MRPS25: variants seen among roughly 807,000 people sequenced by gnomAD.
MRPS25 encodes mitochondrial ribosomal protein S25.
A neutral mutation model predicts 17.3 loss-of-function variants in MRPS25; 15 were observed. That is an observed-to-expected ratio of 0.87 (90% confidence interval 0.58 to 1.34). The LOEUF (loss-of-function observed/expected upper bound fraction) is 1.34, where lower values mean the gene tolerates loss of function less well. Among genes scored for constraint, MRPS25 ranks in the 40% most tolerant of loss-of-function variants. The pLI, the probability that MRPS25 is intolerant of heterozygous loss-of-function variation, is 0.00. For missense variants in MRPS25, 225 were observed against 218.6 expected, an observed-to-expected ratio of 1.03 and a Z score of -0.19; for synonymous variants, 94 against 83.3, an observed-to-expected ratio of 1.13 and a Z score of -0.70.
In MRPS25 at chr3:15,065,079, T is replaced by G. The variant is rs1417912885; in HGVS notation, c.116A>C (p.Glu39Ala). 15 of 1,600,710 alleles carry G rather than the reference T, an allele frequency of 9.4e-6. No individual in the cohort carries two copies. Among genetic ancestry groups the G allele is most frequent in the Non-Finnish European group, 1.3e-5 (15 of 1,174,764 alleles). ...VMTVNYNTHG[E>A]LGEGARKFVF... ...GACTGACCTGGCGCCCTCGCCCAGC[T>G]CCCCATGCGTGTTGTAATTCACTGT... Residue 39 changes from glutamate (E) to alanine (A), a missense_variant, in exon 1 of 4, where the codon GAG (glutamate) becomes GCG (alanine). By Grantham distance (107) the Glu-to-Ala change is moderately radical (BLOSUM62 -1). Coordinates refer to ENST00000253686, the MANE Select transcript of MRPS25 (RefSeq NM_022497.5).
At chr3:15,047,664 C>G (rs1013195358), downstream of MRPS25, 1 of 152,204 alleles carries the variant, frequency 6.6e-6, no homozygotes, top group African/African-American at 2.4e-5. Flanking sequence ...TGTCCTATGA[C>G]TGAATAAATA....
Position 15,050,096 on chromosome 3 carries a change from CA to C in MRPS25, c.*2344del, listed in dbSNP as rs2042581244. The stretch of plus-strand genomic sequence containing the variant: ...AAACCCATCTTTCATCACTACTAAA[CA>C]AAATAGGGAAAGACAAAGGTTTAAA... On this transcript the variant is annotated 3_prime_UTR_variant, in exon 4 of 4. Coordinates refer to ENST00000253686, the MANE Select transcript of MRPS25 (RefSeq NM_022497.5). 1 of 1,404,170 alleles carries C rather than the reference CA, an allele frequency of 7.1e-7. No homozygotes were observed. The highest frequency in any genetic ancestry group is 9.2e-7 in the Non-Finnish European group (1 of 1,092,776). The allele number at this position is 1,404,170 out of a possible 1,614,324, so 87.0% of individuals were successfully genotyped here.
In MRPS25 at chr3:15,051,887, A is replaced by AT. The variant is rs2042610970; in HGVS notation, c.*553_*554insA. The AT allele has an allele frequency of 1.0e-6, 1 of 985,546 alleles. No individual in the cohort carries two copies. The highest frequency in any genetic ancestry group is 1.2e-6 in the Non-Finnish European group (1 of 830,008). 61.1% of individuals were successfully genotyped at this position (985,546 alleles called of 1,614,324 possible). On this transcript the variant is annotated 3_prime_UTR_variant, in exon 4 of 4. Transcript: ENST00000253686. The stretch of plus-strand genomic sequence containing the variant: ...TCTCTGGCCCATGGCTAGGCCCCCC[A>AT]GCAGGCAAGGGTAATCAACTGTACT...
chr3:15,061,359 G>T (rs947571652), intron 1 of MRPS25, among the ~76,000 whole-genome samples: 2 of 151,984 alleles, frequency 1.3e-5, no homozygotes, highest in African/African-American at 4.8e-5. Context: ...GCGATTGCAG[G>T]CGCGCGCTGC....
chr3:15,064,475 A>C (rs547270624), intron 1 of MRPS25, among the ~76,000 whole-genome samples: 93 of 151,950 alleles, frequency 6.1e-4, no homozygotes, highest in Non-Finnish European at 1.3e-3. Flanking sequence ...AAGCGGCCAC[A>C]CTGCCCGGCT....
chr3:15,042,251 G>A (rs996210445), downstream of MRPS25, among the ~76,000 whole-genome samples: 1 of 152,132 alleles, frequency 6.6e-6, no homozygotes, highest in Non-Finnish European at 1.5e-5. Flanking sequence ...CAAAATGAAA[G>A]CTATTTTACT....
chr3:15,059,262 C>T, intron 2 of MRPS25, 107 bp downstream of exon 2: 1 of 791,752 alleles, frequency 1.3e-6, no homozygotes, highest in Non-Finnish European at 2.2e-6. Context: ...CACAGACACA[C>T]CATGACAGCG....
At position 15,050,671 on chromosome 3, in the gene MRPS25, CAG is replaced by C. The variant is rs1189653501; in HGVS notation, c.*1768_*1769del. The C allele has an allele frequency of 7.1e-6, 7 of 985,304 alleles. No homozygotes were observed. The highest frequency in any genetic ancestry group is 6.2e-5 in the Admixed American group (1 of 16,254). The allele number at this position is 985,304 out of a possible 1,614,324, so 61.0% of individuals were successfully genotyped here. On this transcript the variant is annotated 3_prime_UTR_variant, in exon 4 of 4. Transcript: ENST00000253686. ...TTCCACCCAGCCAAAATGCTGATAG[CAG>C]AGAGACAAGATGCTAGATTTCAATT...
At chr3:15,047,090 G>A (rs1353943762), downstream of MRPS25, 1 of 152,638 alleles carries the variant, frequency 6.6e-6, no homozygotes, top group African/African-American at 2.4e-5. Context: ...TATGTACAGT[G>A]TATATAGTGT....
Position 15,051,813 on chromosome 3 carries a change from A to G in MRPS25, c.*628T>C, listed in dbSNP as rs2125131576. On this transcript the variant is annotated 3_prime_UTR_variant, in exon 4 of 4. Transcript: ENST00000253686. ...GGTTGGCAGTGGCTGACTGGTCAGC[A>G]GGTACGTGCCTGAGTGAGGCTGGCC... 1 of 985,516 alleles carries G rather than the reference A, an allele frequency of 1.0e-6. No homozygotes were observed. 61.0% of individuals were successfully genotyped at this position (985,516 alleles called of 1,614,324 possible). A position where few individuals can be genotyped will look rare whatever the true frequency, so the allele number is the denominator to read the frequency against.
At chr3:15,058,421 C>A (rs1279431612) in intron 2 of MRPS25, among the ~76,000 whole-genome samples, 1 of 152,092 alleles carries the variant, frequency 6.6e-6, no homozygotes, top group African/African-American at 2.4e-5. Flanking sequence ...GATCTCCTGA[C>A]CTCGTGATCC....
chr3:15,055,133 A>G (rs1188134794), intron 2 of MRPS25, among the ~76,000 whole-genome samples: 1 of 152,196 alleles, frequency 6.6e-6, no homozygotes, highest in Non-Finnish European at 1.5e-5. Flanking sequence ...GCCAGATCGC[A>G]AGAGAACTCA....
downstream of MRPS25, chr3:15,043,150 C>T: frequency 3.1e-6 from 2 of 638,154 alleles, no homozygotes; most frequent in East Asian, 6.5e-5. Flanking sequence ...CTGTTAATCC[C>T]AGACAATAGC....
Position 15,052,604 on chromosome 3 carries a change from T to G in MRPS25, c.359A>C (p.Lys120Thr). Reference protein sequence around the residue: ...EETLREEEEEKKQLSHPANFG... With the variant: ...EETLREEEEETKQLSHPANFG... The stretch of plus-strand genomic sequence containing the variant: ...GTTGGCTGGGTGAGAAAGCTGCTTT[T>G]TCTCCTCCTCCTCTTCCCTGAGGGT... Residue 120 changes from lysine (K) to threonine (T), a missense_variant, in exon 4 of 4, where the codon AAA becomes ACA. Physicochemically the swap from Lys to Thr is moderately conservative, Grantham distance 78. Coordinates refer to ENST00000253686, the MANE Select transcript of MRPS25 (RefSeq NM_022497.5). The G allele has an allele frequency of 3.1e-6, 5 of 1,614,128 alleles. No homozygotes were observed. The highest frequency in any genetic ancestry group is 4.2e-6 in the Non-Finnish European group (5 of 1,180,018).
chr3:15,042,912 T>G, downstream of MRPS25: 2 of 1,614,214 alleles, frequency 1.2e-6, no homozygotes, highest in Non-Finnish European at 1.7e-6. Flanking sequence ...TTTTTACTGG[T>G]CTCATTGGCA....
In MRPS25 at chr3:15,063,253, ACCAT is replaced by A. The variant is rs2042804228; in HGVS notation, c.134+1804_134+1807del. Among the ~76,000 whole-genome samples, 12 of 152,282 alleles carry A rather than the reference ACCAT, an allele frequency of 7.9e-5. No individual in the cohort carries two copies. The South Asian group carries it at 2.5e-3, about 32-fold the overall frequency. On this transcript the variant is annotated intron_variant, in intron 1 of 3. Coordinates refer to ENST00000253686, the MANE Select transcript of MRPS25 (RefSeq NM_022497.5). ...TGGCCTTCGATCACACTGTTCTGTC[ACCAT>A]CAAATTCACCCTGAGGCTTGGGGAC...
At chr3:15,045,820 A>G (rs1559319429), downstream of MRPS25, 3 of 152,468 alleles carry the variant, frequency 2.0e-5, no homozygotes, top group South Asian at 6.2e-4. Context: ...CCATGGAGCC[A>G]CGTTCATGCT....
chr3:15,064,607 C>G (rs981338263), intron 1 of MRPS25, among the ~76,000 whole-genome samples: 6 of 152,216 alleles, frequency 3.9e-5, no homozygotes, highest in Non-Finnish European at 8.8e-5. Context: ...AAAAAGAAAG[C>G]GCGAGAAGCA....
chr3:15,047,781 A>C (rs2042508008), downstream of MRPS25: 1 of 152,260 alleles, frequency 6.6e-6, no homozygotes, highest in Admixed American at 6.5e-5. Flanking sequence ...CATATAAGCT[A>C]CAGATCTCAA....
Sources: gnomAD v4.1 joint callset for allele counts (sites outside exome capture counted in the v4.1 genomes callset) on GRCh38, gnomAD v4.1.1 for gene constraint, MANE v1.5 for transcripts, NCBI Gene and HGNC (gene_info 2026-07-23, HGNC 2026-07-21) for gene names.